TGFBRAP1: variants seen among roughly 807,000 people sequenced by gnomAD.
The protein encoded by TGFBRAP1 is transforming growth factor-beta receptor-associated protein 1.
Under a neutral mutation model 83.2 loss-of-function variants are expected in TGFBRAP1, and 20 were observed. That is an observed-to-expected ratio of 0.24 (90% CI 0.17 to 0.35). The LOEUF (loss-of-function observed/expected upper bound fraction) is 0.35, where lower values mean the gene tolerates loss of function less well. Among genes scored for constraint, TGFBRAP1 ranks in the 10% least tolerant of loss-of-function variants. TGFBRAP1 has a pLI of 1.00. For missense variants in TGFBRAP1, 950 were observed against 1,099.4 expected (o/e 0.86, Z 1.92); for synonymous variants, 415 against 459.8 (o/e 0.90, Z 1.25).
rs1197728547 is a variant in TGFBRAP1 at position 105,267,057 on chromosome 2, A to C, written c.*326T>G. Reference sequence around the variant, plus strand: ...GATCCCCCACCTGGGTCTGGACTGCATGAGGAAGACTCCCTTTTTTTTTTT... The same window carrying C: ...GATCCCCCACCTGGGTCTGGACTGCCTGAGGAAGACTCCCTTTTTTTTTTT... On this transcript the variant is annotated 3_prime_UTR_variant, in exon 12 of 12. Coordinates refer to ENST00000393359, the MANE Select transcript of TGFBRAP1 (RefSeq NM_004257.6). 2 of 246,630 alleles carry C rather than the reference A, an allele frequency of 8.1e-6. No individual in the cohort carries two copies. The highest frequency in any genetic ancestry group is 1.6e-5 in the Non-Finnish European group (2 of 127,930). 15.3% of individuals were successfully genotyped at this position (246,630 alleles called of 1,614,324 possible).
At chr2:105,316,444 TGTGTGTGTGTGTGTGTGTGCGCGCGC>T (rs1383561535) in intron 1 of TGFBRAP1, among the ~76,000 whole-genome samples, 17 of 75,080 alleles carry the variant, frequency 2.3e-4, no homozygotes, top group Non-Finnish European at 4.2e-4. Context: ...TGTGTGTGTG[TGTGTGTGTGTGTGTGTGTGCGCGCGC>T]GCGCGCGCGC....
At position 105,296,385 on chromosome 2, in the gene TGFBRAP1, G is replaced by T. The variant is rs149456678; in HGVS notation, c.1009C>A (p.Arg337=). The part of the protein sequence containing the change: ...EEALVLAKGA[R]RNIPKEKFQV... ...AATTTTTCCTTTGGAATGTTCCTCC[G>T]GGCTCCTTTTGCTAAAACCAAAGCC... Residue 337 remains arginine, a synonymous_variant, in exon 4 of 12, where the codon CGG becomes AGG. Coordinates refer to ENST00000393359, the MANE Select transcript of TGFBRAP1 (RefSeq NM_004257.6). The T allele has an allele frequency of 5.6e-6, 9 of 1,613,514 alleles. No individual in the cohort carries two copies. The highest frequency in any genetic ancestry group is 1.3e-5 in the African/African-American group (1 of 74,812).
intron 1 of TGFBRAP1, among the ~76,000 whole-genome samples, chr2:105,321,921 A>C (rs2164718): frequency 0.55 from 83,659 of 152,106 alleles, 23,760 homozygotes; most frequent in East Asian, 0.73. Context: ...ACTCCACTAC[A>C]CTTTTTATCA....
At chr2:105,317,273 C>T (rs1404732265) in intron 1 of TGFBRAP1, among the ~76,000 whole-genome samples, 1 of 152,048 alleles carries the variant, frequency 6.6e-6, no homozygotes, top group African/African-American at 2.4e-5. Context: ...CCCATTTACA[C>T]TAAAAATACA....
Position 105,275,567 on chromosome 2 carries a change from C to T in TGFBRAP1, c.1658G>A (p.Ser553Asn). 1.2e-6 allele frequency: 2 copies of T among 1,613,834 alleles called. No individual in the cohort carries two copies. The highest frequency in any genetic ancestry group is 1.7e-6 in the Non-Finnish European group (2 of 1,179,946). Residue 553 changes from serine to asparagine, a missense_variant, in exon 8 of 12, where the codon AGT becomes AAT. Ser to Asn is a conservative substitution (Grantham distance 46, BLOSUM62 1). Coordinates refer to ENST00000393359, the MANE Select transcript of TGFBRAP1 (RefSeq NM_004257.6). ...WAYADWVLQKSEEVGVQVFTK... is the reference protein window; with the variant it reads ...WAYADWVLQKNEEVGVQVFTK... ...TTTTTACGAAGCACAAACCTCTTCA[C>T]TTTTCTGCAGGACCCAATCAGCATA...
rs550943059 is a variant in TGFBRAP1 at position 105,298,605 on chromosome 2, G to A, written c.789C>T (p.Leu263=). ...AAVSFPYVIA[L]DDEFITVHSM... ...TGTGGACTGTGATGAATTCGTCATC[G>A]AGCGCTATGACGTATGGAAAGGACA... is the stretch of plus-strand genomic sequence containing the variant. Residue 263 remains leucine, a synonymous_variant, in exon 3 of 12, where the codon CTC becomes CTT. Coordinates refer to ENST00000393359, the MANE Select transcript of TGFBRAP1 (RefSeq NM_004257.6). The A allele has an allele frequency of 2.8e-5, 45 of 1,614,052 alleles. No individual in the cohort carries two copies. Among genetic ancestry groups the A allele is most frequent in the African/African-American group, 2.7e-4 (20 of 75,024 alleles).
chr2:105,325,963 A>T (rs1679215536), intron 1 of TGFBRAP1, among the ~76,000 whole-genome samples: 1 of 152,168 alleles, frequency 6.6e-6, no homozygotes, highest in Admixed American at 6.5e-5. Context: ...CTCATGCAAC[A>T]GAGACAGCAA....
chr2:105,266,123 C>T lies in TGFBRAP1; in HGVS notation c.*1260G>A, dbSNP rs1676923458. ...GCTTCAGCTCGTCATCGATGTTATA[C>T]AGAAACACAAAAGGAATCCCCGGCC... is the stretch of plus-strand genomic sequence containing the variant. On this transcript the variant is annotated 3_prime_UTR_variant, in exon 12 of 12. Coordinates refer to ENST00000393359, the MANE Select transcript of TGFBRAP1 (RefSeq NM_004257.6). 6.6e-6 allele frequency: 1 copy of T among 152,268 alleles called. No homozygotes were observed. The highest frequency in any genetic ancestry group is 2.4e-5 in the African/African-American group (1 of 41,464). 9.4% of individuals were successfully genotyped at this position (152,268 alleles called of 1,614,324 possible).
chr2:105,305,727 C>T (rs985902175), intron 2 of TGFBRAP1, among the ~76,000 whole-genome samples: 14 of 151,742 alleles, frequency 9.2e-5, no homozygotes, highest in Admixed American at 2.6e-4. Flanking sequence ...TGCAGTGGCA[C>T]GATCTCAGCT....
At chr2:105,252,311 C>G in the TGFBRAP1 span, among the ~76,000 whole-genome samples, 1 of 152,304 alleles carries the variant, frequency 6.6e-6, no homozygotes, top group South Asian at 2.1e-4. Flanking sequence ...GCACAAGGAA[C>G]AATGGGAAGC....
chr2:105,267,404 G>C lies in TGFBRAP1; in HGVS notation c.2562C>G (p.Ser854=). The change falls in exon 12 of 12, where the codon TCC becomes TCG. Residue 854 remains serine, a synonymous_variant. Coordinates refer to ENST00000393359, the MANE Select transcript of TGFBRAP1 (RefSeq NM_004257.6). ...CTTTTCAAGTCCGAGTGCCAGGACTGGATGAGCTGGGGTTTGTGTGTCTGC... is the reference window on the plus strand; with the variant it reads ...CTTTTCAAGTCCGAGTGCCAGGACTCGATGAGCTGGGGTTTGTGTGTCTGC... ...AASRHTNPSS[S]SPGTRT is the part of the protein sequence containing the mutation. 6.2e-7 allele frequency: 1 copy of C among 1,614,202 alleles called. No homozygotes were observed. Among genetic ancestry groups the C allele is most frequent in the Non-Finnish European group, 8.5e-7 (1 of 1,180,046 alleles).
rs3060065 is a variant in TGFBRAP1, at chr2:105,290,616, A to AGTGTGTGTGT, written c.1038+5730_1038+5739dup. Among the ~76,000 whole-genome samples, 473 of 140,074 alleles carry AGTGTGTGTGT rather than the reference A, an allele frequency of 3.4e-3. 3 individuals are homozygous for AGTGTGTGTGT. The highest frequency in any genetic ancestry group is 6.7e-3 in the Admixed American group (94 of 14,018). The allele number at this position is 140,074 out of a possible 152,430, so 91.9% of individuals were successfully genotyped here. A position where few individuals can be genotyped will look rare whatever the true frequency, so the allele number is the denominator to read the frequency against. On this transcript the variant is annotated intron_variant, in intron 4 of 11. Transcript: ENST00000393359. The stretch of plus-strand genomic sequence containing the variant: ...GAGAGAAAGAGAGAAACAGAGAGAC[A>AGTGTGTGTGT]GTGTGTGTGTGTGTGTGTGTGTGTG...
In TGFBRAP1 at chr2:105,273,687, C is replaced by T. The variant is rs1192412909; in HGVS notation, c.1669G>A (p.Gly557Arg). The T allele has an allele frequency of 3.1e-6, 5 of 1,613,808 alleles. No individual in the cohort carries two copies. The highest frequency in any genetic ancestry group is 1.1e-5 in the South Asian group (1 of 91,012). ...GGTCTCTTGGTGAAAACCTGAACTCCGACCTGAAAGAGGAGCGACAATACA... is the reference window on the plus strand; with the variant it reads ...GGTCTCTTGGTGAAAACCTGAACTCTGACCTGAAAGAGGAGCGACAATACA... ...DWVLQKSEEV[G>R]VQVFTKRPLD... The change falls in exon 9 of 12, where the codon GGA becomes AGA. Residue 557 changes from glycine to arginine, a missense_variant. Transcript: ENST00000393359.
At chr2:105,304,401 A>G (rs1013272725) in intron 2 of TGFBRAP1, among the ~76,000 whole-genome samples, 1 of 152,202 alleles carries the variant, frequency 6.6e-6, no homozygotes, top group Admixed American at 6.5e-5. Context: ...CAATTTTCCG[A>G]AAAAAATGTG....
chr2:105,269,649 C>G lies in TGFBRAP1; in HGVS notation c.2029G>C (p.Gly677Arg). ...ATATGCAGCGCCTTCTCATGCTCGC[C>G]CAGCTTCCCGTGCAGGATGGCGCTC... ...MESAILHGKLGEHEKALHILV... is the reference protein window; with the variant it reads ...MESAILHGKLREHEKALHILV... Residue 677 changes from glycine to arginine, a missense_variant, in exon 11 of 12, where the codon GGC (glycine) becomes CGC (arginine). Physicochemically the swap from Gly to Arg is moderately radical, Grantham distance 125. Transcript: ENST00000393359. This position sits in a 1 kb window ranked among gnomAD's most constrained non-coding sequence, Gnocchi z 4.1. 6.3e-7 allele frequency: 1 copy of G among 1,590,324 alleles called. No individual in the cohort carries two copies. Among genetic ancestry groups the G allele is most frequent in the Non-Finnish European group, 8.6e-7 (1 of 1,165,166 alleles).
intron 4 of TGFBRAP1, among the ~76,000 whole-genome samples, chr2:105,286,014 G>A (rs1386466711): frequency 6.6e-6 from 1 of 152,196 alleles, no homozygotes; most frequent in Non-Finnish European, 1.5e-5. Flanking sequence ...CCCATCAGCT[G>A]CAGTAGAAGA....
chr2:105,275,699 C>T lies in TGFBRAP1; in HGVS notation c.1526G>A (p.Trp509Ter). ...NNQDAAAVQL[W>*]VNIVNGDVQD... ...GACATCGCCATTCACAATGTTCACC[C>T]ACAACTGGAAAGGAATCAAAAAGAA... The change falls in exon 8 of 12, where the codon TGG becomes TAG. Residue 509 changes from tryptophan (W) to a stop codon, truncating the protein, a stop_gained. Transcript: ENST00000393359. LOFTEE classifies it high-confidence loss of function. The T allele has an allele frequency of 6.2e-7, 1 of 1,601,546 alleles. No individual in the cohort carries two copies. Among genetic ancestry groups the T allele is most frequent in the Admixed American group, 1.7e-5 (1 of 57,658 alleles).
chr2:105,324,933 T>C (rs1679181299), intron 1 of TGFBRAP1: 1 of 152,332 alleles, frequency 6.6e-6, no homozygotes, highest in African/African-American at 2.4e-5. Context: ...CTGGGAATCC[T>C]GAGCTCTGCT....
chr2:105,276,371 A>G (rs1677347098), intron 7 of TGFBRAP1, among the ~76,000 whole-genome samples: 1 of 152,144 alleles, frequency 6.6e-6, no homozygotes, highest in Non-Finnish European at 1.5e-5. Context: ...TCCTTCTGCA[A>G]TACCTGCATG....
Sources: allele counts gnomAD v4.1 joint callset (sites outside exome capture counted in the v4.1 genomes callset), GRCh38; gene constraint gnomAD v4.1.1; non-coding constraint Gnocchi (gnomAD v3.1); transcripts MANE v1.5; gene names NCBI Gene and HGNC (gene_info 2026-07-23, HGNC 2026-07-21).